LHPP: variants seen among roughly 807,000 people sequenced by gnomAD.
LHPP encodes hLHPP.
A neutral mutation model predicts 30.3 loss-of-function variants in LHPP; 24 were observed. The observed-to-expected ratio is 0.79, with a 90% confidence interval of 0.57 to 1.11. The LOEUF is 1.11. Ranked by LOEUF, LHPP falls within the 50% of genes most tolerant of loss-of-function variation. The pLI, the probability that LHPP is intolerant of heterozygous loss-of-function variation, is 0.00. For synonymous variants in LHPP, 150 were observed against 157.1 expected, an observed-to-expected ratio of 0.95 and a Z score of 0.34; for missense variants, 356 against 367.2, an observed-to-expected ratio of 0.97 and a Z score of 0.25.
intron 1 of LHPP, among the ~76,000 whole-genome samples, chr10:124,479,241 T>A (rs1953050755): frequency 6.6e-6 from 1 of 151,878 alleles, no homozygotes; most frequent in Non-Finnish European, 1.5e-5. Flanking sequence ...TCTTGGGTGG[T>A]GGGGTGGGAA....
intron 6 of LHPP, among the ~76,000 whole-genome samples, chr10:124,537,697 G>A (rs1023042801): frequency 2.0e-5 from 3 of 152,240 alleles, no homozygotes; most frequent in Admixed American, 6.5e-5. Context: ...AAAGCCAGGT[G>A]GCCCAGGAGC....
intron 6 of LHPP, among the ~76,000 whole-genome samples, chr10:124,556,898 C>T (rs1255445990): frequency 6.6e-6 from 1 of 152,158 alleles, no homozygotes; most frequent in East Asian, 1.9e-4. Context: ...ATCTGCATTT[C>T]ATCAAAGATG....
intron 6 of LHPP, among the ~76,000 whole-genome samples, chr10:124,578,615 G>A (rs1948700848): frequency 6.6e-6 from 1 of 152,226 alleles, no homozygotes; most frequent in African/African-American, 2.4e-5. Flanking sequence ...GAGGGAGAGG[G>A]TTCAGGGAGG....
At chr10:124,577,524 G>A (rs1051057917) in intron 6 of LHPP, among the ~76,000 whole-genome samples, 2 of 152,150 alleles carry the variant, frequency 1.3e-5, no homozygotes, top group African/African-American at 2.4e-5. Flanking sequence ...TGAGGCAGGT[G>A]GACAGCCAGG....
chr10:124,525,571 G>A (rs1386013072), intron 6 of LHPP, among the ~76,000 whole-genome samples: 1 of 152,242 alleles, frequency 6.6e-6, no homozygotes, highest in East Asian at 1.9e-4. Flanking sequence ...AGAGAGTGGG[G>A]AGGAGACCCG....
rs191605272 is a variant in LHPP, at chr10:124,576,852, G to A, written c.717-36412G>A. On this transcript the variant is annotated intron_variant, in intron 6 of 6. Coordinates refer to ENST00000368842, the MANE Select transcript of LHPP (RefSeq NM_022126.4). This position sits in a 1 kb window ranked among gnomAD's most constrained non-coding sequence, Gnocchi z 4.2. ...ACGATACCTCATCCAGCCCGGGCCC[G>A]TGGGTGGGCTGCTGAGCACCCGACC... 4.8e-3 allele frequency among the ~76,000 whole-genome samples: 736 copies of A among 152,082 alleles called. 8 individuals carry two copies. The highest frequency in any genetic ancestry group is 0.016 in the African/African-American group (677 of 41,482).
intron 6 of LHPP, among the ~76,000 whole-genome samples, chr10:124,575,852 G>T (rs1353369928): frequency 6.6e-6 from 1 of 152,182 alleles, no homozygotes; most frequent in African/African-American, 2.4e-5. Flanking sequence ...TGAAGGAAAG[G>T]CTGGCGTGTT....
chr10:124,464,663 A>T (rs983977230), intron 1 of LHPP, among the ~76,000 whole-genome samples: 2 of 152,196 alleles, frequency 1.3e-5, no homozygotes, highest in Non-Finnish European at 2.9e-5. Context: ...CACTGGTGGG[A>T]ATCCAGCAGA....
chr10:124,563,509 C>T (rs12259023), intron 6 of LHPP, among the ~76,000 whole-genome samples: 17,348 of 151,528 alleles, frequency 0.11, 1,261 homozygotes, highest in East Asian at 0.27. Flanking sequence ...TGGGGTGGGG[C>T]GGGGCAGGAG....
intron 1 of LHPP, 75 bp downstream of exon 1, chr10:124,462,062 C>G: frequency 2.6e-6 from 3 of 1,153,982 alleles, no homozygotes; most frequent in Non-Finnish European, 3.2e-6. Flanking sequence ...CGGCAGGGGG[C>G]GGGGCGGCAG....
At chr10:124,533,056 T>C (rs182280880) in intron 6 of LHPP, among the ~76,000 whole-genome samples, 1 of 152,288 alleles carries the variant, frequency 6.6e-6, no homozygotes, top group Admixed American at 6.5e-5. Context: ...CTCAGCACCT[T>C]TATTACAGGA....
At chr10:124,610,276 G>T (rs979669873) in intron 6 of LHPP, among the ~76,000 whole-genome samples, 2 of 151,284 alleles carry the variant, frequency 1.3e-5, no homozygotes, top group African/African-American at 4.8e-5. Flanking sequence ...CACTGACACG[G>T]GTTGTTCTTG....
intron 6 of LHPP, among the ~76,000 whole-genome samples, chr10:124,602,045 T>C (rs949179479): frequency 2.0e-5 from 3 of 152,012 alleles, no homozygotes; most frequent in Non-Finnish European, 4.4e-5. Flanking sequence ...CGGGGGTGGG[T>C]GGGAGTGGAG....
intron 1 of LHPP, among the ~76,000 whole-genome samples, chr10:124,482,757 C>T (rs923874983): frequency 4.6e-5 from 7 of 152,182 alleles, no homozygotes; most frequent in Non-Finnish European, 1.0e-4. Flanking sequence ...CTTGCTTCCC[C>T]AGGGAGGCCT....
At chr10:124,584,688 G>C (rs1045096223) in intron 6 of LHPP, among the ~76,000 whole-genome samples, 1 of 152,150 alleles carries the variant, frequency 6.6e-6, no homozygotes, top group Non-Finnish European at 1.5e-5. Flanking sequence ...ATTCTGGGGG[G>C]ACATTCAGAC....
chr10:124,552,492 G>A (rs1473266255), intron 6 of LHPP, among the ~76,000 whole-genome samples: 1 of 152,182 alleles, frequency 6.6e-6, no homozygotes, highest in Non-Finnish European at 1.5e-5. Context: ...AGGCAAGAAA[G>A]CCATCTCTAC....
intron 5 of LHPP, among the ~76,000 whole-genome samples, chr10:124,506,263 A>ACCCCCCCCCCCCCCCCCCCCCCCCCCC (rs539116106): frequency 1.2e-5 from 1 of 86,334 alleles, no homozygotes. Flanking sequence ...AAAACAACAA[A>ACCCCCCCCCCCCCCCCCCCCCCCCCCC]CCCCCCCCCC....
intron 3 of LHPP, chr10:124,489,876 C>A: frequency 5.0e-6 from 1 of 199,740 alleles, no homozygotes; most frequent in South Asian, 7.7e-5. Flanking sequence ...AACTGAAATT[C>A]GGTTGCTGAC....
chr10:124,613,021 T>A (rs1481580377), intron 6 of LHPP: 1 of 561,662 alleles, frequency 1.8e-6, no homozygotes, highest in African/African-American at 1.9e-5. Flanking sequence ...CTGAGCAGGC[T>A]CCCCAGTGGG....
Sources: allele counts gnomAD v4.1 joint callset (sites outside exome capture counted in the v4.1 genomes callset), GRCh38; gene constraint gnomAD v4.1.1; non-coding constraint Gnocchi (gnomAD v3.1); transcripts MANE v1.5; gene names NCBI Gene and HGNC (gene_info 2026-07-23, HGNC 2026-07-21).